Variants in ZNF397 observed in about 807,000 individuals in gnomAD.
The protein encoded by ZNF397 is zinc finger protein 397, also known as zinc finger and SCAN domain-containing protein 15.
Under a neutral mutation model 50.6 loss-of-function variants are expected in ZNF397, and 38 were observed. The observed-to-expected ratio is 0.75, with a 90% CI of 0.58 to 0.98. The LOEUF (loss-of-function observed/expected upper bound fraction) is 0.98, where lower values mean the gene tolerates loss of function less well. Ranked by LOEUF, ZNF397 falls within the 50% of genes least tolerant of loss-of-function variation. The pLI is 0.00. For missense variants in ZNF397, 624 were observed against 624.1 expected, an observed-to-expected ratio of 1.00 and a Z score of 0.00; for synonymous variants, 228 against 215.2, an observed-to-expected ratio of 1.06 and a Z score of -0.52.
Position 35,247,350 on chromosome 18 carries a change from T to A in ZNF397, c.*1040T>A, listed in dbSNP as rs1598585911. 5.7e-6 allele frequency: 1 copy of A among 174,098 alleles called. No individual in the cohort carries two copies. Among genetic ancestry groups the A allele is most frequent in the East Asian group, 1.9e-4 (1 of 5,262 alleles). The allele number at this position is 174,098 out of a possible 1,614,324, so 10.8% of individuals were successfully genotyped here. ...GGCTATCCTAGAACTTCCATGAGGG[T>A]GGTGGTGGGAATGAGGGTGAGAAAG... On this transcript the variant is annotated 3_prime_UTR_variant, in exon 4 of 4. Transcript: ENST00000330501.
At position 35,242,520 on chromosome 18, in the gene ZNF397, C is replaced by T. The variant is rs762896942; in HGVS notation, c.50C>T (p.Pro17Leu). The T allele has an allele frequency of 4.1e-5, 66 of 1,613,960 alleles. No individual in the cohort carries two copies. The highest frequency in any genetic ancestry group is 4.5e-5 in the East Asian group (2 of 44,900). ...TCAACCCTGATACCTCAGGATCCTC[C>T]GGAACAAGAACTAATACTAGTGAAA... ...VISTLIPQDP[P>L]EQELILVKVE... Residue 17 changes from proline (P) to leucine (L), a missense_variant, in exon 2 of 4, where the codon CCG (proline) becomes CTG (leucine). Pro to Leu is a moderately conservative substitution (Grantham distance 98, BLOSUM62 -3). Transcript: ENST00000330501.
At position 35,247,256 on chromosome 18, in the gene ZNF397, A is replaced by T. The variant is rs562294944; in HGVS notation, c.*946A>T. On this transcript the variant is annotated 3_prime_UTR_variant, in exon 4 of 4. Transcript: ENST00000330501. ...GGAGCCCTTGGGCCACAGGGTAGTC[A>T]AGAGCTTTGTCTTGGTTTATGTGAC... 10 of 886,898 alleles carry T rather than the reference A, an allele frequency of 1.1e-5. No homozygotes were observed. The African/African-American group carries it at 1.8e-4, about 16-fold the overall frequency. The allele number at this position is 886,898 out of a possible 1,614,324, so 54.9% of individuals were successfully genotyped here.
Position 35,242,540 on chromosome 18 carries a change from G to C in ZNF397, c.70G>C (p.Val24Leu). The change falls in exon 2 of 4, where the codon GTG becomes CTG. Residue 24 changes from valine to leucine, a missense_variant. By Grantham distance (32) the Val-to-Leu change is conservative (BLOSUM62 1). Coordinates refer to ENST00000330501, the MANE Select transcript of ZNF397 (RefSeq NM_001135178.3). ...TCCTCCGGAACAAGAACTAATACTAGTGAAAGTAGAAGATAACTTTTCCTG... is the reference window on the plus strand; with the variant it reads ...TCCTCCGGAACAAGAACTAATACTACTGAAAGTAGAAGATAACTTTTCCTG... ...QDPPEQELIL[V>L]KVEDNFSWDE... 2 of 1,614,214 alleles carry C rather than the reference G, an allele frequency of 1.2e-6. No individual in the cohort carries two copies. Among genetic ancestry groups the C allele is most frequent in the Non-Finnish European group, 1.7e-6 (2 of 1,180,032 alleles).
chr18:35,246,647 T>G lies in ZNF397; in HGVS notation c.*337T>G, dbSNP rs1259259100. ...CCCAGGCTCTGTCACTGCATCTGAT[T>G]GTTAGTGTGCCAGGTTATGGGGCTG... On this transcript the variant is annotated 3_prime_UTR_variant, in exon 4 of 4. Coordinates refer to ENST00000330501, the MANE Select transcript of ZNF397 (RefSeq NM_001135178.3). 5.7e-6 allele frequency: 6 copies of G among 1,049,454 alleles called. No individual in the cohort carries two copies. The highest frequency in any genetic ancestry group is 1.6e-4 in the East Asian group (2 of 12,208). 65.0% of individuals were successfully genotyped at this position (1,049,454 alleles called of 1,614,324 possible).
At chr18:35,253,713 T>C (rs1432781129), downstream of ZNF397, 1 of 1,614,150 alleles carries the variant, frequency 6.2e-7, no homozygotes, top group Admixed American at 1.7e-5. Flanking sequence ...TTATCTCCAG[T>C]GTGAATTTTC....
downstream of ZNF397, chr18:35,254,449 AAC>A (rs1450224746): frequency 1.2e-6 from 2 of 1,610,650 alleles, no homozygotes; most frequent in Non-Finnish European, 1.7e-6. Context: ...TTGTAGCAGG[AAC>A]ACAAACTCAA....
At chr18:35,256,760 TTTGTTG>T (rs369105451) in intron 5 of ZNF397, among the ~76,000 whole-genome samples, 101 of 151,536 alleles carry the variant, frequency 6.7e-4, no homozygotes, top group African/African-American at 2.1e-3. Context: ...CTCTTCTGTT[TTTGTTG>T]TTGTTGTTGT....
chr18:35,255,540 A>G (rs1598607517), intron 5 of ZNF397, among the ~76,000 whole-genome samples: 1 of 152,134 alleles, frequency 6.6e-6, no homozygotes, highest in African/African-American at 2.4e-5. Context: ...TCTGCCTTCC[A>G]TATTGGAAGG....
At position 35,246,922 on chromosome 18, in the gene ZNF397, CA is replaced by C. The variant is rs1156359870; in HGVS notation, c.*613del. 3.2e-6 allele frequency: 3 copies of C among 937,692 alleles called. No individual in the cohort carries two copies. The African/African-American group carries it at 5.3e-5, about 17-fold the overall frequency. The allele number at this position is 937,692 out of a possible 1,614,324, so 58.1% of individuals were successfully genotyped here. On this transcript the variant is annotated 3_prime_UTR_variant, in exon 4 of 4. Transcript: ENST00000330501. ...GTGGAAAACAAGACTGTAGTCTCTA[CA>C]GTCTAATGGGCAAGGCAGCCAGACA...
intron 3 of ZNF397, among the ~76,000 whole-genome samples, chr18:35,244,465 C>T (rs1912773929): frequency 6.6e-6 from 1 of 152,070 alleles, no homozygotes; most frequent in African/African-American, 2.4e-5. Context: ...CAGACAATAG[C>T]TTACAATGTA....
At chr18:35,252,130 C>T (rs2043619604), downstream of ZNF397, 1 of 152,168 alleles carries the variant, frequency 6.6e-6, no homozygotes, top group Admixed American at 6.5e-5. Context: ...GCTCAGAATC[C>T]CCATGTGTTG....
chr18:35,243,693 A>G (rs930600620), intron 3 of ZNF397: 1 of 385,008 alleles, frequency 2.6e-6, no homozygotes, highest in African/African-American at 2.1e-5. Context: ...ATCTTAGAGG[A>G]TCAAGGAACA....
chr18:35,242,449 T>C lies in ZNF397; in HGVS notation c.-22T>C. ...ACAGAACCAGTTGTACTGAGCTTTT[T>C]GCTAAGCTGTTTCAGCCAAGAATGG... On this transcript the variant is annotated 5_prime_UTR_variant, in exon 2 of 4. Coordinates refer to ENST00000330501, the MANE Select transcript of ZNF397 (RefSeq NM_001135178.3). 1 of 1,600,746 alleles carries C rather than the reference T, an allele frequency of 6.2e-7. No homozygotes were observed. Among genetic ancestry groups the C allele is most frequent in the Non-Finnish European group, 8.5e-7 (1 of 1,172,698 alleles).
Position 35,249,192 on chromosome 18 carries a change from G to A in ZNF397, c.*2882G>A, listed in dbSNP as rs183477527. On this transcript the variant is annotated 3_prime_UTR_variant, in exon 4 of 4. Transcript: ENST00000330501. ...CCTTATAAAACAGACAGGGATTCAG[G>A]GACATTGGGACTCTAATGCTGCTGG... 1 of 152,272 alleles carries A rather than the reference G, an allele frequency of 6.6e-6. No homozygotes were observed. Among genetic ancestry groups the A allele is most frequent in the African/African-American group, 2.4e-5 (1 of 41,546 alleles). The allele number at this position is 152,272 out of a possible 1,614,324, so 9.4% of individuals were successfully genotyped here. A position where few individuals can be genotyped will look rare whatever the true frequency, so the allele number is the denominator to read the frequency against.
downstream of ZNF397, chr18:35,252,485 T>C (rs2043633940): frequency 6.6e-6 from 1 of 152,218 alleles, no homozygotes; most frequent in Non-Finnish European, 1.5e-5. Context: ...AAATATTTGT[T>C]GAATTACTCC....
At chr18:35,253,637 C>A (rs748544023), downstream of ZNF397, 14 of 1,614,164 alleles carry the variant, frequency 8.7e-6, no homozygotes, top group Admixed American at 6.7e-5. Flanking sequence ...AGTGTGAATT[C>A]TTTGATGTTC....
chr18:35,245,446 C>A lies in ZNF397; in HGVS notation c.741C>A (p.Ile247=), dbSNP rs192050328. The A allele has an allele frequency of 1.3e-6, 2 of 1,557,448 alleles. No individual in the cohort carries two copies. The highest frequency in any genetic ancestry group is 1.4e-5 in the African/African-American group (1 of 73,214). The change falls in exon 4 of 4, where the codon ATC becomes ATA. Residue 247 remains isoleucine, a synonymous_variant. Transcript: ENST00000330501. ...PSQGGSFSQV[I]FTNKSLGKRD... ...AAGGGGGCAGTTTTAGTCAAGTGAT[C>A]TTCACAAACAAATCTCTAGGAAAGA...
At position 35,246,781 on chromosome 18, in the gene ZNF397, A is replaced by G. The variant is rs746550930; in HGVS notation, c.*471A>G. 7.1e-6 allele frequency: 7 copies of G among 987,270 alleles called. No individual in the cohort carries two copies. The highest frequency in any genetic ancestry group is 8.4e-6 in the Non-Finnish European group (7 of 831,428). The allele number at this position is 987,270 out of a possible 1,614,324, so 61.2% of individuals were successfully genotyped here. On this transcript the variant is annotated 3_prime_UTR_variant, in exon 4 of 4. Coordinates refer to ENST00000330501, the MANE Select transcript of ZNF397 (RefSeq NM_001135178.3). ...GGAAAGGTGGGGAAATGGCTTCATC[A>G]ATGATTTGTTGAGCCCAGGGCAGGC...
In ZNF397 at chr18:35,248,277, T is replaced by A. The variant is rs1180879452; in HGVS notation, c.*1967T>A. 6.6e-6 allele frequency: 1 copy of A among 152,200 alleles called. No individual in the cohort carries two copies. The highest frequency in any genetic ancestry group is 1.5e-5 in the Non-Finnish European group (1 of 68,052). The allele number at this position is 152,200 out of a possible 1,614,324, so 9.4% of individuals were successfully genotyped here. On this transcript the variant is annotated 3_prime_UTR_variant, in exon 4 of 4. Coordinates refer to ENST00000330501, the MANE Select transcript of ZNF397 (RefSeq NM_001135178.3). ...AAGCAAAGAGAAGTAATGCTCTTAT[T>A]GGGGCGTGCATCAGTGGACATGTGC...
Sources: allele counts gnomAD v4.1 joint callset (sites outside exome capture counted in the v4.1 genomes callset), GRCh38; gene constraint gnomAD v4.1.1; transcripts MANE v1.5; gene names NCBI Gene and HGNC (gene_info 2026-07-23, HGNC 2026-07-21).